Variants in ENPP6 observed in about 807,000 individuals in gnomAD.
ENPP6 encodes ectonucleotide pyrophosphatase/phosphodiesterase 6.
ENPP6 carries 32 observed loss-of-function variants against 42.0 expected under a neutral mutation model. The observed-to-expected ratio is 0.76, with a 90% CI of 0.58 to 1.02. The LOEUF is 1.02. Among genes scored for constraint, ENPP6 ranks in the 50% least tolerant of loss-of-function variants. ENPP6 has a pLI of 0.00. For missense variants in ENPP6, 552 were observed against 566.8 expected, an observed-to-expected ratio of 0.97 and a Z score of 0.27; for synonymous variants, 213 against 216.0, an observed-to-expected ratio of 0.99 and a Z score of 0.12.
chr4:184,157,261 CT>C (rs767269984), intron 1 of ENPP6, among the ~76,000 whole-genome samples: 4 of 152,208 alleles, frequency 2.6e-5, no homozygotes, highest in African/African-American at 4.8e-5. Context: ...TCAATCTCTA[CT>C]TGTCTGTTGT....
At chr4:184,152,604 G>T (rs1472793823) in intron 2 of ENPP6, among the ~76,000 whole-genome samples, 1 of 152,108 alleles carries the variant, frequency 6.6e-6, no homozygotes, top group African/African-American at 2.4e-5. Flanking sequence ...CTATTGCCAC[G>T]GGCGTGGGAA....
chr4:184,185,747 A>G (rs1253641326), intron 1 of ENPP6, among the ~76,000 whole-genome samples: 1 of 152,248 alleles, frequency 6.6e-6, no homozygotes, highest in Non-Finnish European at 1.5e-5. Flanking sequence ...CAAAATACAA[A>G]ACAAAAAGGC....
intron 6 of ENPP6, among the ~76,000 whole-genome samples, chr4:184,097,585 G>A (rs1204092980): frequency 6.6e-6 from 1 of 152,190 alleles, no homozygotes; most frequent in Non-Finnish European, 1.5e-5. Flanking sequence ...TTAACAAGGT[G>A]TTTTCCTACG....
intron 4 of ENPP6, 146 bp downstream of exon 4, chr4:184,117,613 G>T: frequency 8.4e-7 from 1 of 1,191,488 alleles, no homozygotes; most frequent in Non-Finnish European, 1.2e-6. Flanking sequence ...GAGGCATTGT[G>T]TGAAGCCAAG....
At chr4:184,171,843 AGAG>A (rs1737471214) in intron 1 of ENPP6, among the ~76,000 whole-genome samples, 1 of 152,162 alleles carries the variant, frequency 6.6e-6, no homozygotes, top group Non-Finnish European at 1.5e-5. Flanking sequence ...GAGATAGAGC[AGAG>A]AAGAAGACGG....
At chr4:184,163,767 T>G (rs1030356476) in intron 1 of ENPP6, among the ~76,000 whole-genome samples, 1 of 152,222 alleles carries the variant, frequency 6.6e-6, no homozygotes, top group African/African-American at 2.4e-5. Context: ...TATGTGTGTT[T>G]CCGTCAGGCG....
At chr4:184,170,092 T>C (rs1414319299) in intron 1 of ENPP6, among the ~76,000 whole-genome samples, 5 of 152,252 alleles carry the variant, frequency 3.3e-5, no homozygotes, top group Admixed American at 3.3e-4. Context: ...TATTGAGTTT[T>C]CCATAATTAT....
At chr4:184,109,333 G>A (rs1736161307) in intron 6 of ENPP6, among the ~76,000 whole-genome samples, 1 of 152,192 alleles carries the variant, frequency 6.6e-6, no homozygotes, top group Non-Finnish European at 1.5e-5. Flanking sequence ...CTTAATTCAA[G>A]AGAGCTATTA....
chr4:184,188,132 C>G (rs1234243689), intron 1 of ENPP6, among the ~76,000 whole-genome samples: 2 of 152,116 alleles, frequency 1.3e-5, no homozygotes, highest in East Asian at 3.8e-4. Flanking sequence ...TTACAGAAGA[C>G]CATTCCAGGA....
At chr4:184,107,617 A>G (rs1289942735) in intron 6 of ENPP6, among the ~76,000 whole-genome samples, 1 of 152,130 alleles carries the variant, frequency 6.6e-6, no homozygotes, top group Non-Finnish European at 1.5e-5. Flanking sequence ...TCTACTAAAA[A>G]TAGAAAAATT....
At chr4:184,148,718 C>A (rs1736967787) in intron 2 of ENPP6, among the ~76,000 whole-genome samples, 1 of 152,152 alleles carries the variant, frequency 6.6e-6, no homozygotes, top group African/African-American at 2.4e-5. Flanking sequence ...CCAAGCCTGC[C>A]CTTGCCAGAC....
At chr4:184,189,463 C>T (rs755435668) in intron 1 of ENPP6, among the ~76,000 whole-genome samples, 1 of 152,148 alleles carries the variant, frequency 6.6e-6, no homozygotes, top group Admixed American at 6.5e-5. Context: ...ACTAAATTCA[C>T]GCTTTAAAAA....
At chr4:184,158,058 C>G (rs1737204164) in intron 1 of ENPP6, among the ~76,000 whole-genome samples, 1 of 152,008 alleles carries the variant, frequency 6.6e-6, no homozygotes. Context: ...TTTTTGCATC[C>G]ACTCAACATG....
chr4:184,213,740 G>T (rs1263007348), intron 1 of ENPP6, among the ~76,000 whole-genome samples: 2 of 148,280 alleles, frequency 1.3e-5, no homozygotes, highest in Middle Eastern at 6.4e-3. Context: ...CCATTACTGG[G>T]TATATATCCA....
intron 2 of ENPP6, among the ~76,000 whole-genome samples, chr4:184,125,394 A>C (rs1736487320): frequency 6.6e-6 from 1 of 152,192 alleles, no homozygotes; most frequent in African/African-American, 2.4e-5. Context: ...AAGTACCATA[A>C]AATGCCAGAC....
intron 2 of ENPP6, among the ~76,000 whole-genome samples, chr4:184,141,576 A>G: frequency 6.6e-6 from 1 of 152,206 alleles, no homozygotes; most frequent in East Asian, 1.9e-4. Context: ...CCCAGGGAAC[A>G]TCGCAGGGAA....
At chr4:184,094,473 G>A (rs1013693777) in intron 7 of ENPP6, among the ~76,000 whole-genome samples, 1 of 152,234 alleles carries the variant, frequency 6.6e-6, no homozygotes, top group Non-Finnish European at 1.5e-5. Flanking sequence ...TGCTGCGCAG[G>A]GATAGTGCTT....
chr4:184,094,723 G>A (rs1735868151), intron 7 of ENPP6, among the ~76,000 whole-genome samples: 1 of 152,232 alleles, frequency 6.6e-6, no homozygotes, highest in African/African-American at 2.4e-5. Context: ...GGCCACCTGG[G>A]GCTGCCTTCC....
chr4:184,152,672 G>A (rs2111077078), intron 2 of ENPP6, among the ~76,000 whole-genome samples: 1 of 152,330 alleles, frequency 6.6e-6, no homozygotes, highest in East Asian at 1.9e-4. Context: ...ACAATGGGAA[G>A]CGGGTTGTAT....
Sources: allele counts gnomAD v4.1 joint callset (sites outside exome capture counted in the v4.1 genomes callset), GRCh38; gene constraint gnomAD v4.1.1; transcripts MANE v1.5; gene names NCBI Gene and HGNC (gene_info 2026-07-23, HGNC 2026-07-21).